The following FKBP11 variants were observed in gnomAD, a reference collection of about 807,000 sequenced individuals.
The protein encoded by FKBP11 is FKBP prolyl isomerase 11, also known as peptidyl-prolyl cis-trans isomerase FKBP11.
FKBP11 carries 21 observed loss-of-function variants against 24.7 expected under a neutral mutation model. The ratio of observed to expected loss-of-function variants is 0.85; its 90% CI spans 0.60 to 1.23. FKBP11 has a LOEUF of 1.23. Among genes scored for constraint, FKBP11 ranks in the 50% most tolerant of loss-of-function variants. The pLI is 0.00. For synonymous variants in FKBP11, 106 were observed against 100.6 expected, an observed-to-expected ratio of 1.05 and a Z score of -0.32; for missense variants, 245 against 248.7, an observed-to-expected ratio of 0.99 and a Z score of 0.10.
At chr12:48,931,117 A>G (rs1406079698), upstream of FKBP11, among the ~76,000 whole-genome samples, 1 of 117,976 alleles carries the variant, frequency 8.5e-6, no homozygotes, top group Admixed American at 1.2e-4. Flanking sequence ...CGACAGAGCG[A>G]GACTCCAGCT....
At position 48,922,074 on chromosome 12, in the gene FKBP11, A is replaced by G; in HGVS notation, c.516T>C (p.Ile172=). ...MAMVPALLGL[I]GYHLYRKANR... is the part of the protein sequence containing the mutation. The stretch of plus-strand genomic sequence containing the variant: ...TGGCCTTTCTGTATAGGTGATACCC[A>G]ATGAGGCCCAGGAGGGCTGGCACCA... Residue 172 remains isoleucine (I), a synonymous_variant, in exon 6 of 6, where the codon ATT becomes ATC. Coordinates refer to ENST00000550765, the MANE Select transcript of FKBP11 (RefSeq NM_016594.3). 6.2e-7 allele frequency: 1 copy of G among 1,614,152 alleles called. No homozygotes were observed. Among genetic ancestry groups the G allele is most frequent in the African/African-American group, 1.3e-5 (1 of 75,030 alleles).
chr12:48,934,249 T>G, the FKBP11 span, among the ~76,000 whole-genome samples: 14 of 152,156 alleles, frequency 9.2e-5, no homozygotes, highest in Non-Finnish European at 1.5e-5. Context: ...TACTCTGCAA[T>G]GAAGGGGAGG....
At chr12:48,933,217 A>C in the FKBP11 span, among the ~76,000 whole-genome samples, 1 of 152,248 alleles carries the variant, frequency 6.6e-6, no homozygotes, top group South Asian at 2.1e-4. Context: ...AGGAATTCAG[A>C]GTCATTCTTA....
At position 48,924,911 on chromosome 12, in the gene FKBP11, G is replaced by A. The variant is rs1035517799; in HGVS notation, c.195+135C>T. ...ACGGAAGAGCAACGTCTCTCCCCTC[G>A]CCACGTGCTCGACGACCCCAGAGCC... On this transcript the variant is annotated intron_variant, in intron 2 of 5. Transcript: ENST00000550765. 2.3e-5 allele frequency: 33 copies of A among 1,437,370 alleles called. No individual in the cohort carries two copies. The African/African-American group carries it at 2.7e-4, about 12-fold the overall frequency. 89.0% of individuals were successfully genotyped at this position (1,437,370 alleles called of 1,614,324 possible). A position where few individuals can be genotyped will look rare whatever the true frequency, so the allele number is the denominator to read the frequency against.
the FKBP11 span, among the ~76,000 whole-genome samples, chr12:48,932,253 ATATATATATTTTTTTTTTT>A: frequency 2.6e-5 from 1 of 38,456 alleles, no homozygotes; most frequent in Non-Finnish European, 4.9e-5. Context: ...ATATATATAT[ATATATATATTTTTTTTTTT>A]TTTTTTTTTT....
chr12:48,932,768 G>A, the FKBP11 span, among the ~76,000 whole-genome samples: 1 of 152,144 alleles, frequency 6.6e-6, no homozygotes, highest in Non-Finnish European at 1.5e-5. Context: ...GGATGGAGGG[G>A]TGAAGGTGGA....
the FKBP11 span, chr12:48,939,001 G>A: frequency 3.1e-6 from 5 of 1,613,322 alleles, no homozygotes; most frequent in East Asian, 2.2e-5. This position sits in a 1 kb window ranked among gnomAD's most constrained non-coding sequence, Gnocchi z 4.8. Context: ...CGTACAGCCC[G>A]TCCCCGCTGG....
the FKBP11 span, chr12:48,936,315 C>A: frequency 6.6e-6 from 1 of 152,616 alleles, no homozygotes; most frequent in Non-Finnish European, 1.5e-5. Flanking sequence ...AGTCTACATT[C>A]CAGAGGAGGA....
chr12:48,929,443 C>T (rs924007467), upstream of FKBP11, among the ~76,000 whole-genome samples: 1 of 152,036 alleles, frequency 6.6e-6, no homozygotes, highest in African/African-American at 2.4e-5. Flanking sequence ...GACCTTGTCT[C>T]AAAAAATAAT....
chr12:48,936,999 C>CA, the FKBP11 span: 1 of 152,136 alleles, frequency 6.6e-6, no homozygotes, highest in African/African-American at 2.4e-5. Flanking sequence ...ACACCCCCCC[C>CA]ACAACCACCA....
the FKBP11 span, among the ~76,000 whole-genome samples, chr12:48,934,516 G>T: frequency 3.9e-5 from 6 of 152,158 alleles, 1 homozygote. Flanking sequence ...GAAGGCTTCA[G>T]CAACTGCCAC....
upstream of FKBP11, among the ~76,000 whole-genome samples, chr12:48,928,608 T>G (rs970621255): frequency 9.9e-5 from 15 of 151,812 alleles, no homozygotes; most frequent in African/African-American, 3.6e-4. Context: ...GCCTCCAGAG[T>G]AGCTGGGACT....
chr12:48,924,723 C>T, intron 2 of FKBP11, 75 bp from the exon 3 acceptor site: 1 of 1,583,158 alleles, frequency 6.3e-7, no homozygotes, highest in Non-Finnish European at 8.6e-7. Context: ...CACACCTGGA[C>T]CGCTGGGCGG....
chr12:48,931,522 A>G, the FKBP11 span: 10 of 1,501,598 alleles, frequency 6.7e-6, no homozygotes, highest in Non-Finnish European at 9.0e-6. Context: ...TCTTGGAAAG[A>G]TAGGAGAGTT....
upstream of FKBP11, chr12:48,925,499 C>T (rs767477429): frequency 2.4e-5 from 36 of 1,501,426 alleles, no homozygotes; most frequent in Non-Finnish European, 3.2e-5. Context: ...GGACAGCGTT[C>T]CCGCGGCGCC....
At chr12:48,923,009 G>T in intron 5 of FKBP11, 1 of 745,106 alleles carries the variant, frequency 1.3e-6, no homozygotes, top group Non-Finnish European at 1.9e-6. Flanking sequence ...TTAGCCGGTC[G>T]TGGTGGCGCA....
upstream of FKBP11, among the ~76,000 whole-genome samples, chr12:48,928,425 A>C (rs529421397): frequency 7.3e-5 from 11 of 151,032 alleles, no homozygotes; most frequent in African/African-American, 2.4e-4. Flanking sequence ...GCTCACTGCA[A>C]CCTCCGCCTC....
intron 2 of FKBP11, 123 bp downstream of exon 2, chr12:48,924,920 TCGA>T (rs1289698618): frequency 4.9e-6 from 7 of 1,439,346 alleles, no homozygotes; most frequent in South Asian, 1.5e-5. Flanking sequence ...CGCCACGTGC[TCGA>T]CGACCCCAGA....
upstream of FKBP11, chr12:48,931,357 A>T (rs1417740898): frequency 1.4e-6 from 2 of 1,432,230 alleles, no homozygotes; most frequent in African/African-American, 2.8e-5. Flanking sequence ...GGAGTAGGAG[A>T]AGGTGGTAGT....
Sources: gnomAD v4.1 joint callset for allele counts (sites outside exome capture counted in the v4.1 genomes callset) on GRCh38, gnomAD v4.1.1 for gene constraint, Gnocchi (gnomAD v3.1) non-coding constraint, MANE v1.5 for transcripts, NCBI Gene and HGNC (gene_info 2026-07-23, HGNC 2026-07-21) for gene names.